The following STRA6 variants were observed in gnomAD, a reference collection of about 807,000 sequenced individuals.
STRA6 encodes receptor for retinol uptake STRA6.
In STRA6, 48 loss-of-function variants were observed where a neutral mutation model predicts 83.6. That is an observed-to-expected ratio of 0.57 (90% CI 0.46 to 0.73). STRA6 has a LOEUF of 0.73. STRA6 is among the 30% of genes least tolerant of loss of function. The pLI is 0.00. For synonymous variants in STRA6, 353 were observed against 362.3 expected, an observed-to-expected ratio of 0.97 and a Z score of 0.29; for missense variants, 760 against 838.8, an observed-to-expected ratio of 0.91 and a Z score of 1.16.
chr15:74,199,941 G>T (rs189068309), intron 2 of STRA6, among the ~76,000 whole-genome samples: 2 of 152,364 alleles, frequency 1.3e-5, no homozygotes, highest in Admixed American at 6.5e-5. Flanking sequence ...TAGTGGCTGG[G>T]AGCAGTGGCT....
rs1349023448 is a variant in STRA6 at position 74,194,883 on chromosome 15, C to T, written c.597+419G>A. On this transcript the variant is annotated intron_variant, in intron 7 of 18. Coordinates refer to ENST00000395105, the MANE Select transcript of STRA6 (RefSeq NM_022369.4). ...GCCAGTGAGCAAGGTCCTGAGGTTC[C>T]GGAATTCTCCTCTCAGCCCTCTTAG... The T allele has an allele frequency of 1.4e-5, 20 of 1,384,888 alleles. 1 individual carries two copies. The South Asian group carries it at 2.9e-4, about 20-fold the overall frequency. 85.8% of individuals were successfully genotyped at this position (1,384,888 alleles called of 1,614,324 possible).
At chr15:74,191,587 C>T in intron 8 of STRA6, 96 bp from the exon 9 acceptor site, 2 of 1,118,344 alleles carry the variant, frequency 1.8e-6, no homozygotes, top group Non-Finnish European at 2.7e-6. Flanking sequence ...CAAGCAGGTG[C>T]TCCATAAAAA....
chr15:74,190,947 C>G (rs773384914), intron 10 of STRA6, 46 bp from the exon 11 acceptor site: 1 of 1,612,670 alleles, frequency 6.2e-7, no homozygotes, highest in Non-Finnish European at 8.5e-7. Flanking sequence ...ACCACTCAGG[C>G]CCGGGAGCCC....
chr15:74,188,004 C>T lies in STRA6; in HGVS notation c.1090+1111G>A, dbSNP rs1567183618. 6.6e-6 allele frequency among the ~76,000 whole-genome samples: 1 copy of T among 152,198 alleles called. No homozygotes were observed. Among genetic ancestry groups the T allele is most frequent in the Non-Finnish European group, 1.5e-5 (1 of 68,038 alleles). Reference sequence around the variant, plus strand: ...TGCCTATGAACCAGATTGCAACCAGCTCAGAAAATCTCCTGGGAGAGGACA... The same window carrying T: ...TGCCTATGAACCAGATTGCAACCAGTTCAGAAAATCTCCTGGGAGAGGACA... On this transcript the variant is annotated intron_variant, in intron 12 of 18. Coordinates refer to ENST00000395105, the MANE Select transcript of STRA6 (RefSeq NM_022369.4). This position sits in a 1 kb window ranked among gnomAD's most constrained non-coding sequence, Gnocchi z 4.5.
rs899599971 is a variant in STRA6 at position 74,194,480 on chromosome 15, C to T, written c.598-558G>A. ...ACCAAGTTCCCCCTCTCAAAGCAACCTCTTAGTCTTCACCTCCACCCTGAG... is the reference window on the plus strand; with the variant it reads ...ACCAAGTTCCCCCTCTCAAAGCAACTTCTTAGTCTTCACCTCCACCCTGAG... On this transcript the variant is annotated intron_variant, in intron 7 of 18. Transcript: ENST00000395105. 4.6e-6 allele frequency: 3 copies of T among 651,604 alleles called. No homozygotes were observed. In the African/African-American group the frequency reaches 5.8e-5, roughly 13 times the overall value. The allele number at this position is 651,604 out of a possible 1,614,324, so 40.4% of individuals were successfully genotyped here.
chr15:74,207,024 C>T (rs1275608407), upstream of STRA6, among the ~76,000 whole-genome samples: 2 of 152,238 alleles, frequency 1.3e-5, no homozygotes, highest in African/African-American at 4.8e-5. Context: ...TTGGGCTTGG[C>T]ACAGAGCTGC....
At chr15:74,190,641 G>T (rs1171303660) in intron 11 of STRA6, among the ~76,000 whole-genome samples, 199 bp downstream of exon 11, 1 of 152,142 alleles carries the variant, frequency 6.6e-6, no homozygotes, top group Non-Finnish European at 1.5e-5. Context: ...CAAAATTAAT[G>T]CTCCGAGTCA....
chr15:74,183,722 C>T (rs2073103930), intron 14 of STRA6, 134 bp downstream of exon 14: 3 of 1,591,624 alleles, frequency 1.9e-6, no homozygotes, highest in Non-Finnish European at 2.6e-6. Context: ...GTCCCTCCTT[C>T]TTGCTGCTGC....
At chr15:74,181,546 G>T in intron 16 of STRA6, 88 bp from the exon 17 acceptor site, 1 of 1,529,344 alleles carries the variant, frequency 6.5e-7, no homozygotes, top group Non-Finnish European at 8.9e-7. Context: ...CAGAACTGCT[G>T]TGTATTTACT....
At chr15:74,180,708 T>A (rs755056679) in intron 18 of STRA6, 74 bp downstream of exon 18, 1 of 1,531,100 alleles carries the variant, frequency 6.5e-7, no homozygotes, top group Middle Eastern at 2.4e-4. Context: ...CTCTGTGTGC[T>A]GGGGAGGGGC....
At position 74,181,438 on chromosome 15, in the gene STRA6, G is replaced by C. The variant is rs753490176; in HGVS notation, c.1541C>G (p.Thr514Ser). The stretch of plus-strand genomic sequence containing the variant: ...CACATTGAGGGGGAAGAGAAGAAAG[G>C]TGGCTGCATAGAGCACTCGCCTAGG... ...LTNRRVLYAATFLLFPLNVLV... is the reference protein window; with the variant it reads ...LTNRRVLYAASFLLFPLNVLV... Residue 514 changes from threonine to serine, a missense_variant, in exon 17 of 19, where the codon ACC becomes AGC. Physicochemically the swap from Thr to Ser is moderately conservative, Grantham distance 58. Coordinates refer to ENST00000395105, the MANE Select transcript of STRA6 (RefSeq NM_022369.4). 2 of 1,613,950 alleles carry C rather than the reference G, an allele frequency of 1.2e-6. No individual in the cohort carries two copies. The highest frequency in any genetic ancestry group is 1.1e-5 in the South Asian group (1 of 91,052).
At chr15:74,203,111 G>T, upstream of STRA6, 2 of 985,582 alleles carry the variant, frequency 2.0e-6, no homozygotes, top group Non-Finnish European at 1.2e-6. Context: ...GAGACGGACC[G>T]CTGGGGCTGG....
At chr15:74,211,570 T>G (rs1182192860), upstream of STRA6, among the ~76,000 whole-genome samples, 1 of 152,008 alleles carries the variant, frequency 6.6e-6, no homozygotes, top group Non-Finnish European at 1.5e-5. Flanking sequence ...CCGGCTGAAT[T>G]TTTTTGTATT....
intron 16 of STRA6, 92 bp downstream of exon 16, chr15:74,182,069 A>G (rs2073020688): frequency 9.1e-7 from 1 of 1,104,058 alleles, no homozygotes; most frequent in South Asian, 1.3e-5. Context: ...GAGAGAAGGG[A>G]TAGATGGCAG....
chr15:74,190,058 A>C (rs2073454922), intron 11 of STRA6, among the ~76,000 whole-genome samples: 1 of 152,214 alleles, frequency 6.6e-6, no homozygotes, highest in Non-Finnish European at 1.5e-5. Context: ...ATATGCAAAT[A>C]CTACACCATC....
chr15:74,195,350 G>A lies in STRA6; in HGVS notation c.549C>T (p.His183=). Residue 183 remains histidine, a synonymous_variant, in exon 7 of 19, where the codon CAC becomes CAT. Transcript: ENST00000395105. ...HLLGSTLSWA[H]LGVQVWQRAE... ...CCCTCTGCCAGACCTGGACCCCAAG[G>A]TGGGCCCAGGACAGCGTGCTGCCGA... 1 of 1,613,504 alleles carries A rather than the reference G, an allele frequency of 6.2e-7. No individual in the cohort carries two copies. The highest frequency in any genetic ancestry group is 8.5e-7 in the Non-Finnish European group (1 of 1,179,992).
At position 74,183,846 on chromosome 15, in the gene STRA6, G is replaced by A. The variant is rs940086112; in HGVS notation, c.1300+10C>T. 1.4e-5 allele frequency: 22 copies of A among 1,613,778 alleles called. No individual in the cohort carries two copies. Among genetic ancestry groups the A allele is most frequent in the Non-Finnish European group, 1.8e-5 (21 of 1,180,030 alleles). On this transcript the variant is annotated intron_variant, in intron 14 of 18. Transcript: ENST00000395105. ...GCCAAGGCTGGGTGTGGCGGGCAAGGGAGGCTCACCAAGGCAGATAAAGGC... is the reference window on the plus strand; with the variant it reads ...GCCAAGGCTGGGTGTGGCGGGCAAGAGAGGCTCACCAAGGCAGATAAAGGC...
At chr15:74,187,226 T>C (rs925967250) in intron 12 of STRA6, among the ~76,000 whole-genome samples, 2 of 152,116 alleles carry the variant, frequency 1.3e-5, no homozygotes, top group African/African-American at 2.4e-5. Flanking sequence ...TCCATCTACC[T>C]CCTACCTCTC....
At chr15:74,199,194 G>C (rs1177986078) in intron 2 of STRA6, among the ~76,000 whole-genome samples, 1 of 152,240 alleles carries the variant, frequency 6.6e-6, no homozygotes, top group Non-Finnish European at 1.5e-5. Flanking sequence ...AGGCATCAAG[G>C]CTGCATTATC....
Sources: gnomAD v4.1 joint callset for allele counts (sites outside exome capture counted in the v4.1 genomes callset) on GRCh38, gnomAD v4.1.1 for gene constraint, Gnocchi (gnomAD v3.1) non-coding constraint, MANE v1.5 for transcripts, NCBI Gene and HGNC (gene_info 2026-07-23, HGNC 2026-07-21) for gene names.